PARD6B: variants seen among roughly 807,000 people sequenced by gnomAD.
PARD6B encodes the protein partitioning defective 6 homolog beta.
A neutral mutation model predicts 10.5 loss-of-function variants in PARD6B; 4 were observed. The ratio of observed to expected loss-of-function variants is 0.38; its 90% CI spans 0.19 to 0.87. The LOEUF (loss-of-function observed/expected upper bound fraction) is 0.87, where lower values mean the gene tolerates loss of function less well. Among genes scored for constraint, PARD6B ranks in the 40% least tolerant of loss-of-function variants. PARD6B has a pLI of 0.41. For missense variants in PARD6B, 396 were observed against 470.6 expected (o/e 0.84, Z 1.47); for synonymous variants, 169 against 170.4 (o/e 0.99, Z 0.07).
At chr20:50,733,480 A>G (rs936602064) in intron 1 of PARD6B, among the ~76,000 whole-genome samples, 3 of 152,224 alleles carry the variant, frequency 2.0e-5, no homozygotes, top group Non-Finnish European at 4.4e-5. Flanking sequence ...GAGGATTGGC[A>G]CTAGTTTCAG....
At position 50,750,456 on chromosome 20, in the gene PARD6B, T is replaced by C. The variant is rs1393252654; in HGVS notation, c.1087T>C (p.Leu363=). 6.2e-7 allele frequency: 1 copy of C among 1,613,808 alleles called. No individual in the cohort carries two copies. The highest frequency in any genetic ancestry group is 8.5e-7 in the Non-Finnish European group (1 of 1,179,838). Residue 363 remains leucine, a synonymous_variant, in exon 3 of 3, where the codon TTA becomes CTA. Transcript: ENST00000371610. ...FETHAPDQKL[L]EEDGTIITL Reference sequence around the variant, plus strand: ...AACACATGCTCCAGATCAAAAACTCTTAGAAGAAGATGGAACAATCATAAC... The same window carrying C: ...AACACATGCTCCAGATCAAAAACTCCTAGAAGAAGATGGAACAATCATAAC...
intron 2 of PARD6B, 64 bp from the exon 3 acceptor site, chr20:50,749,594 TC>T: frequency 7.5e-7 from 1 of 1,331,098 alleles, no homozygotes; most frequent in Non-Finnish European, 1.0e-6. Context: ...CTGTACAGAT[TC>T]AGCTGCAAGT....
intron 2 of PARD6B, 98 bp from the exon 3 acceptor site, chr20:50,749,561 A>G: frequency 8.4e-6 from 9 of 1,069,652 alleles, no homozygotes; most frequent in Non-Finnish European, 1.2e-5. Flanking sequence ...TTTATATACC[A>G]AATATATTTT....
Position 50,751,670 on chromosome 20 carries a change from A to AAACCAC in PARD6B, c.*1183_*1188dup, listed in dbSNP as rs1305403319. On this transcript the variant is annotated 3_prime_UTR_variant, in exon 3 of 3. Coordinates refer to ENST00000371610, the MANE Select transcript of PARD6B (RefSeq NM_032521.3). ...TGTGCATTTCTGGTTTCTAAGAATC[A>AAACCAC]AACCACTTGGCTGTTTTTAGGAGTT... The AAACCAC allele has an allele frequency of 4.2e-5, 41 of 984,116 alleles. No individual in the cohort carries two copies. The South Asian group carries it at 1.6e-3, about 38-fold the overall frequency. The allele number at this position is 984,116 out of a possible 1,614,324, so 61.0% of individuals were successfully genotyped here.
chr20:50,741,789 G>A (rs553655456), intron 2 of PARD6B, among the ~76,000 whole-genome samples: 203 of 151,840 alleles, frequency 1.3e-3, no homozygotes, highest in African/African-American at 4.2e-3. Context: ...TTCGTGATCC[G>A]CCCGTCTCGG....
chr20:50,731,865 CG>C lies in PARD6B; in HGVS notation c.66+16del. The C allele has an allele frequency of 7.0e-7, 1 of 1,431,924 alleles. No homozygotes were observed. The allele number at this position is 1,431,924 out of a possible 1,614,324, so 88.7% of individuals were successfully genotyped here. A position where few individuals can be genotyped will look rare whatever the true frequency, so the allele number is the denominator to read the frequency against. On this transcript the variant is annotated intron_variant, in intron 1 of 2. Coordinates refer to ENST00000371610, the MANE Select transcript of PARD6B (RefSeq NM_032521.3). Reference sequence around the variant, plus strand: ...GGTGAAGAGCAAGGTGCGCGGGGCCCGGGCTGGGCGGAGCGGCGGGCCTGGG... The same window carrying C: ...GGTGAAGAGCAAGGTGCGCGGGGCCCGGCTGGGCGGAGCGGCGGGCCTGGG...
chr20:50,745,650 C>G (rs2087563901), intron 2 of PARD6B, among the ~76,000 whole-genome samples: 1 of 152,094 alleles, frequency 6.6e-6, no homozygotes, highest in African/African-American at 2.4e-5. Flanking sequence ...CAGGCACAAA[C>G]AAACCACCAT....
chr20:50,751,819 A>T lies in PARD6B; in HGVS notation c.*1331A>T. On this transcript the variant is annotated 3_prime_UTR_variant, in exon 3 of 3. Transcript: ENST00000371610. ...CGGGTTCAAGCAATTCTCCTGCCTC[A>T]GCCTTCTGAGTAGCTAAGATTACAG... 1 of 916,058 alleles carries T rather than the reference A, an allele frequency of 1.1e-6. No individual in the cohort carries two copies. Among genetic ancestry groups the T allele is most frequent in the South Asian group, 5.1e-5 (1 of 19,790 alleles). 56.7% of individuals were successfully genotyped at this position (916,058 alleles called of 1,614,324 possible). A position where few individuals can be genotyped will look rare whatever the true frequency, so the allele number is the denominator to read the frequency against.
At chr20:50,743,815 G>C (rs1437252349) in intron 2 of PARD6B, among the ~76,000 whole-genome samples, 1 of 151,408 alleles carries the variant, frequency 6.6e-6, no homozygotes. Flanking sequence ...CATGAACCCA[G>C]GAGGCGGAGC....
In PARD6B at chr20:50,751,980, A is replaced by G; in HGVS notation, c.*1492A>G. 2 of 985,410 alleles carry G rather than the reference A, an allele frequency of 2.0e-6. No homozygotes were observed. The highest frequency in any genetic ancestry group is 2.4e-6 in the Non-Finnish European group (2 of 829,916). The allele number at this position is 985,410 out of a possible 1,614,324, so 61.0% of individuals were successfully genotyped here. On this transcript the variant is annotated 3_prime_UTR_variant, in exon 3 of 3. Transcript: ENST00000371610. ...CCTCCCAAAGTGCTGGATTGCAGGCATGAGCGCCTAGCCAGGAAGCTATCT... is the reference window on the plus strand; with the variant it reads ...CCTCCCAAAGTGCTGGATTGCAGGCGTGAGCGCCTAGCCAGGAAGCTATCT...
chr20:50,738,082 A>G lies in PARD6B; in HGVS notation c.289+3A>G. ...TAGGATATTTATACAAAAGAAGGGT[A>G]AGTATCACTGTTTAGAAAAATTGTG... On this transcript the variant is annotated splice_donor_region_variant and intron_variant, in intron 2 of 2. Transcript: ENST00000371610. The G allele has an allele frequency of 6.3e-7, 1 of 1,578,126 alleles. No individual in the cohort carries two copies. Among genetic ancestry groups the G allele is most frequent in the Non-Finnish European group, 8.6e-7 (1 of 1,159,332 alleles).
rs11467364 is a variant in PARD6B at position 50,751,350 on chromosome 20, C to CTTTTTTTTTTTTTTTTTTT, written c.*867_*885dup. 5 of 578,574 alleles carry CTTTTTTTTTTTTTTTTTTT rather than the reference C, an allele frequency of 8.6e-6. No homozygotes were observed. Among genetic ancestry groups the CTTTTTTTTTTTTTTTTTTT allele is most frequent in the East Asian group, 2.3e-4 (1 of 4,280 alleles). The allele number at this position is 578,574 out of a possible 1,614,324, so 35.8% of individuals were successfully genotyped here. ...ATTTCCAGTTTCTTTTCTTTTCTTTCTTTTTTTTTTTTTTTTTTTTTTTGA... is the reference window on the plus strand; with the variant it reads ...ATTTCCAGTTTCTTTTCTTTTCTTTCTTTTTTTTTTTTTTTTTTTTTTTTTTTTTTTTTTTTTTTTTTGA... On this transcript the variant is annotated 3_prime_UTR_variant, in exon 3 of 3. Transcript: ENST00000371610.
chr20:50,734,023 C>A (rs2087486098), intron 1 of PARD6B, among the ~76,000 whole-genome samples: 1 of 152,174 alleles, frequency 6.6e-6, no homozygotes, highest in South Asian at 2.1e-4. Flanking sequence ...ACTGCACTTT[C>A]AGCTAACTGT....
In PARD6B at chr20:50,737,883, G is replaced by A. The variant is rs75953522; in HGVS notation, c.93G>A (p.Ser31=). The A allele has an allele frequency of 3.0e-4, 484 of 1,593,162 alleles. 1 individual carries two copies. In the African/African-American group the frequency reaches 5.2e-3, roughly 17 times the overall value. ...TTGGAGCTGAATTTCGTCGGTTTTC[G>A]CTGGAAAGATCAAAACCTGGAAAAT... is the stretch of plus-strand genomic sequence containing the variant. ...SKFGAEFRRF[S]LERSKPGKFE... is the part of the protein sequence containing the mutation. Residue 31 remains serine, a synonymous_variant, in exon 2 of 3, where the codon TCG becomes TCA. Transcript: ENST00000371610.
chr20:50,747,317 G>A (rs561278464), intron 2 of PARD6B, among the ~76,000 whole-genome samples: 14 of 152,148 alleles, frequency 9.2e-5, no homozygotes, highest in African/African-American at 2.9e-4. Context: ...AGGGGGTTTA[G>A]GATTAAACAA....
chr20:50,746,958 T>C (rs1286971767), intron 2 of PARD6B, among the ~76,000 whole-genome samples: 1 of 152,162 alleles, frequency 6.6e-6, no homozygotes, highest in East Asian at 1.9e-4. Context: ...TACCAATGGA[T>C]TTATATCCAA....
intron 2 of PARD6B, among the ~76,000 whole-genome samples, chr20:50,747,486 TTTC>T (rs1249384644): frequency 2.7e-4 from 34 of 124,532 alleles, no homozygotes; most frequent in African/African-American, 8.9e-4. Context: ...TTTTTCTTTC[TTTC>T]TTTTTTTTTT....
Position 50,753,007 on chromosome 20 carries a change from C to T in PARD6B, c.*2519C>T, listed in dbSNP as rs1370551382. 3.1e-6 allele frequency: 3 copies of T among 982,712 alleles called. No individual in the cohort carries two copies. The East Asian group carries it at 3.4e-4, about 112-fold the overall frequency. 60.9% of individuals were successfully genotyped at this position (982,712 alleles called of 1,614,324 possible). A position where few individuals can be genotyped will look rare whatever the true frequency, so the allele number is the denominator to read the frequency against. ...TGTTAGTATGTAGAAGGTTAACTTT[C>T]ATTTATAATATAAGTGGTGCAGGGG... On this transcript the variant is annotated 3_prime_UTR_variant, in exon 3 of 3. Coordinates refer to ENST00000371610, the MANE Select transcript of PARD6B (RefSeq NM_032521.3).
chr20:50,744,662 T>C (rs2087555496), intron 2 of PARD6B, among the ~76,000 whole-genome samples: 2 of 151,268 alleles, frequency 1.3e-5, no homozygotes, highest in Non-Finnish European at 2.9e-5. Flanking sequence ...CCTCCTGCTT[T>C]TCACCCTCTG....
Sources: allele counts gnomAD v4.1 joint callset (sites outside exome capture counted in the v4.1 genomes callset), GRCh38; gene constraint gnomAD v4.1.1; transcripts MANE v1.5; gene names NCBI Gene and HGNC (gene_info 2026-07-23, HGNC 2026-07-21).